MACROD2: variants seen among roughly 807,000 people sequenced by gnomAD.
MACROD2 encodes mono-ADP ribosylhydrolase 2.
In MACROD2, 36 loss-of-function variants were observed where a neutral mutation model predicts 70.4. The ratio of observed to expected loss-of-function variants is 0.51; its 90% confidence interval spans 0.39 to 0.68. The LOEUF (loss-of-function observed/expected upper bound fraction) is 0.68. Ranked by LOEUF, MACROD2 falls within the 30% of genes least tolerant of loss-of-function variation. The pLI, the probability that MACROD2 is intolerant of heterozygous loss-of-function variation, is 0.00. For missense variants in MACROD2, 496 were observed against 538.4 expected, an observed-to-expected ratio of 0.92 and a Z score of 0.78; for synonymous variants, 172 against 178.8, an observed-to-expected ratio of 0.96 and a Z score of 0.30.
intron 17 of MACROD2, among the ~76,000 whole-genome samples, chr20:16,048,949 A>G (rs1010510901): frequency 6.6e-6 from 1 of 152,206 alleles, no homozygotes; most frequent in Non-Finnish European, 1.5e-5. Context: ...TGACATATAC[A>G]TACATGGGAA....
chr20:14,028,537 A>G (rs1222809659), intron 2 of MACROD2, among the ~76,000 whole-genome samples: 1 of 152,116 alleles, frequency 6.6e-6, no homozygotes. Flanking sequence ...CTTGAAACCC[A>G]GGGCCCTGGT....
intron 8 of MACROD2, among the ~76,000 whole-genome samples, chr20:15,770,843 C>G (rs2051612389): frequency 6.6e-6 from 1 of 152,186 alleles, no homozygotes; most frequent in Non-Finnish European, 1.5e-5. Context: ...TCCTGGCAAA[C>G]AATACAAACA....
chr20:14,679,184 G>A (rs867241870), intron 4 of MACROD2, among the ~76,000 whole-genome samples: 4 of 152,268 alleles, frequency 2.6e-5, no homozygotes, highest in Middle Eastern at 6.8e-3. Flanking sequence ...TGACAATAAG[G>A]GTGCAAACCA....
chr20:14,489,845 AT>A (rs1278473566), intron 3 of MACROD2, among the ~76,000 whole-genome samples: 1 of 148,802 alleles, frequency 6.7e-6, no homozygotes, highest in South Asian at 2.1e-4. Context: ...AAGAAAAAAA[AT>A]ATTTGAAATA....
chr20:15,084,064 T>TTGTTTTTGTTTTTG (rs1568564889), intron 5 of MACROD2, among the ~76,000 whole-genome samples: 2 of 59,526 alleles, frequency 3.4e-5, no homozygotes, highest in Non-Finnish European at 3.8e-5. Context: ...ACTAGGTTTT[T>TTGTTTTTGTTTTTG]TTTTTTTGTT....
At chr20:15,038,480 C>T (rs2075331139) in intron 5 of MACROD2, among the ~76,000 whole-genome samples, 1 of 152,158 alleles carries the variant, frequency 6.6e-6, no homozygotes, top group Non-Finnish European at 1.5e-5. Context: ...ATCTTGTGCT[C>T]TGTTTCTGGC....
intron 4 of MACROD2, among the ~76,000 whole-genome samples, chr20:14,675,326 G>A (rs2070846310): frequency 6.6e-6 from 1 of 152,160 alleles, no homozygotes; most frequent in Non-Finnish European, 1.5e-5. Context: ...TACCCACAAA[G>A]GGAAGCCCAT....
At chr20:15,517,622 G>A (rs141429267) in intron 8 of MACROD2, among the ~76,000 whole-genome samples, 363 of 152,274 alleles carry the variant, frequency 2.4e-3, no homozygotes, top group Non-Finnish European at 4.2e-3. Context: ...ATAAATGAGC[G>A]AATGGGAGGG....
chr20:14,434,201 T>C (rs930966974), intron 3 of MACROD2, among the ~76,000 whole-genome samples: 6 of 152,186 alleles, frequency 3.9e-5, no homozygotes, highest in Non-Finnish European at 7.3e-5. Flanking sequence ...ATTCTGTATC[T>C]ATTTGACGTT....
At chr20:15,605,620 T>A (rs455245) in intron 8 of MACROD2, among the ~76,000 whole-genome samples, 32,960 of 152,104 alleles carry the variant, frequency 0.22, 3,608 homozygotes, top group Middle Eastern at 0.28. Flanking sequence ...ATGAACTCTG[T>A]AATCACATGA....
chr20:14,155,726 G>T (rs2055093051), intron 3 of MACROD2, among the ~76,000 whole-genome samples: 1 of 151,826 alleles, frequency 6.6e-6, no homozygotes, highest in Non-Finnish European at 1.5e-5. Context: ...ACTCATTTTA[G>T]AAAACTTTTA....
intron 8 of MACROD2, among the ~76,000 whole-genome samples, chr20:15,734,797 C>G (rs552482154): frequency 6.6e-6 from 1 of 152,268 alleles, no homozygotes; most frequent in African/African-American, 2.4e-5. Flanking sequence ...CTATCCTTTT[C>G]TGTGATTCAA....
chr20:14,974,393 G>C (rs578208360), intron 5 of MACROD2, among the ~76,000 whole-genome samples: 1 of 152,246 alleles, frequency 6.6e-6, no homozygotes, highest in East Asian at 1.9e-4. Context: ...ACAATGGGTG[G>C]AGTATGTCAC....
intron 5 of MACROD2, among the ~76,000 whole-genome samples, chr20:14,803,640 C>A (rs2072604230): frequency 6.6e-6 from 1 of 151,884 alleles, no homozygotes; most frequent in African/African-American, 2.4e-5. Flanking sequence ...ACCACCACAC[C>A]TGGCTAATTT....
At chr20:14,330,802 T>A (rs1231660922) in intron 3 of MACROD2, among the ~76,000 whole-genome samples, 2 of 152,084 alleles carry the variant, frequency 1.3e-5, no homozygotes, top group African/African-American at 4.8e-5. Context: ...CAAATTCCAA[T>A]AGTATCTTTT....
At chr20:14,085,248 AGG>A (rs2054062925) in intron 2 of MACROD2, among the ~76,000 whole-genome samples, 1 of 151,734 alleles carries the variant, frequency 6.6e-6, no homozygotes, top group South Asian at 2.1e-4. Context: ...GATGCCTTTT[AGG>A]TAAGTTCTTC....
chr20:15,486,778 A>G (rs1015697230), intron 7 of MACROD2, among the ~76,000 whole-genome samples: 15 of 152,228 alleles, frequency 9.9e-5, no homozygotes, highest in African/African-American at 3.6e-4. Flanking sequence ...AGTGTTGTAT[A>G]TCCTCAGAGG....
Position 15,413,865 on chromosome 20 carries a change from C to A in MACROD2, c.541-17540C>A, listed in dbSNP as rs552628092. Among the ~76,000 whole-genome samples, 7 of 152,296 alleles carry A rather than the reference C, an allele frequency of 4.6e-5. No individual in the cohort carries two copies. The South Asian group carries it at 6.2e-4, about 14-fold the overall frequency. On this transcript the variant is annotated intron_variant, in intron 6 of 17. Transcript: ENST00000684519. ...TTTGCAATTCTGACAAGAAACGATA[C>A]CTTAGCTTTTGTCTTAGCTCACACA... is the stretch of plus-strand genomic sequence containing the variant.
chr20:14,890,865 A>G (rs961267518), intron 5 of MACROD2, among the ~76,000 whole-genome samples: 2 of 152,030 alleles, frequency 1.3e-5, no homozygotes, highest in African/African-American at 4.8e-5. Flanking sequence ...AGCAACATGG[A>G]GGTCATGGGT....
Sources: gnomAD v4.1 joint callset for allele counts (sites outside exome capture counted in the v4.1 genomes callset) on GRCh38, gnomAD v4.1.1 for gene constraint, MANE v1.5 for transcripts, NCBI Gene and HGNC (gene_info 2026-07-23, HGNC 2026-07-21) for gene names.